Variants in IL17F observed in about 807,000 individuals in gnomAD.
IL17F encodes interleukin 17F, also known as interleukin-17F.
A neutral mutation model predicts 8.3 loss-of-function variants in IL17F; 6 were observed. The observed-to-expected ratio is 0.73, with a 90% CI of 0.40 to 1.43. IL17F has a LOEUF of 1.43. Among genes scored for constraint, IL17F ranks in the 40% most tolerant of loss-of-function variants. The pLI, the probability that IL17F is intolerant of heterozygous loss-of-function variation, is 0.02. For missense variants in IL17F, 204 were observed against 209.6 expected, an observed-to-expected ratio of 0.97 and a Z score of 0.17; for synonymous variants, 98 against 81.6, an observed-to-expected ratio of 1.20 and a Z score of -1.08.
In IL17F at chr6:52,236,696, T is replaced by C. The variant is rs905762834; in HGVS notation, c.*235A>G. The C allele has an allele frequency of 1.0e-5, 5 of 497,190 alleles. No individual in the cohort carries two copies. Among genetic ancestry groups the C allele is most frequent in the African/African-American group, 9.6e-5 (5 of 51,984 alleles). The allele number at this position is 497,190 out of a possible 1,614,324, so 30.8% of individuals were successfully genotyped here. On this transcript the variant is annotated 3_prime_UTR_variant, in exon 3 of 3. Coordinates refer to ENST00000336123, the MANE Select transcript of IL17F (RefSeq NM_052872.4). Reference sequence around the variant, plus strand: ...ACCTGAAGTATTTTTAAATTATTAATACTTTATTATATTAGCACTGAATAT... The same window carrying C: ...ACCTGAAGTATTTTTAAATTATTAACACTTTATTATATTAGCACTGAATAT...
At chr6:52,240,683 T>C (rs1764058082) in intron 1 of IL17F, among the ~76,000 whole-genome samples, 1 of 152,154 alleles carries the variant, frequency 6.6e-6, no homozygotes, top group Non-Finnish European at 1.5e-5. Context: ...GAAAGCAAGA[T>C]TGACCCAGAA....
intron 1 of IL17F, among the ~76,000 whole-genome samples, chr6:52,240,873 A>G (rs1764062423): frequency 1.4e-5 from 2 of 143,470 alleles, no homozygotes; most frequent in South Asian, 2.2e-4. Context: ...AGAAGCGATG[A>G]CTCTGTTTCC....
upstream of IL17F, chr6:52,244,603 T>C (rs1764130822): frequency 1.6e-6 from 1 of 617,850 alleles, no homozygotes; most frequent in Non-Finnish European, 2.9e-6. Context: ...TACTGACGAA[T>C]GCAGGGGTTT....
intron 1 of IL17F, among the ~76,000 whole-genome samples, chr6:52,239,637 T>A (rs556651246): frequency 1.3e-5 from 2 of 152,304 alleles, no homozygotes; most frequent in East Asian, 3.9e-4. Context: ...ATTTTTTAAT[T>A]GTCTAGAAAT....
chr6:52,240,131 A>G (rs752344988), intron 1 of IL17F, among the ~76,000 whole-genome samples: 21 of 152,142 alleles, frequency 1.4e-4, no homozygotes, highest in Non-Finnish European at 2.8e-4. Flanking sequence ...CCAACTCTCA[A>G]CATAATACAG....
chr6:52,243,785 CAG>C lies in IL17F; in HGVS notation c.33+610_33+611del, dbSNP rs200090961. ...GAGCTGCATTTTTTTTTCTTTGAGA[CAG>C]AGTCTCGCTATGTCACCCAGGATGG... On this transcript the variant is annotated intron_variant, in intron 1 of 2. Coordinates refer to ENST00000336123, the MANE Select transcript of IL17F (RefSeq NM_052872.4). Among the ~76,000 whole-genome samples the C allele has an allele frequency of 5.2e-3, 785 of 152,236 alleles. 6 individuals are homozygous for C. The highest frequency in any genetic ancestry group is 0.027 in the Middle Eastern group (8 of 294).
intron 1 of IL17F, among the ~76,000 whole-genome samples, chr6:52,240,212 G>A (rs553303466): frequency 6.6e-6 from 1 of 152,242 alleles, no homozygotes; most frequent in Non-Finnish European, 1.5e-5. Context: ...CGAGGTGGGT[G>A]GATCACCTGA....
intron 1 of IL17F, among the ~76,000 whole-genome samples, chr6:52,239,729 G>A (rs373983404): frequency 1.3e-5 from 2 of 152,158 alleles, no homozygotes; most frequent in African/African-American, 4.8e-5. Flanking sequence ...AACACTTTTG[G>A]AATGAATGAG....
At chr6:52,239,185 T>G in intron 1 of IL17F, 2 of 527,436 alleles carry the variant, frequency 3.8e-6, no homozygotes, top group Non-Finnish European at 6.8e-6. Flanking sequence ...GTCTAAAAGC[T>G]CCCAAACAGT....
At chr6:52,244,664 AG>A (rs1438114009), upstream of IL17F, 1 of 563,402 alleles carries the variant, frequency 1.8e-6, no homozygotes, top group Non-Finnish European at 3.1e-6. Flanking sequence ...CCCTAAAGAA[AG>A]GGATGACAGG....
chr6:52,236,734 C>T lies in IL17F; in HGVS notation c.*197G>A, dbSNP rs1001500423. The T allele has an allele frequency of 5.4e-5, 32 of 593,236 alleles. No individual in the cohort carries two copies. Among genetic ancestry groups the T allele is most frequent in the Non-Finnish European group, 8.7e-5 (29 of 332,770 alleles). 36.7% of individuals were successfully genotyped at this position (593,236 alleles called of 1,614,324 possible). Reference sequence around the variant, plus strand: ...TAGCACTGAATATATTAATTTTTCTCCTAACATTTTAGATATCAAATATAA... The same window carrying T: ...TAGCACTGAATATATTAATTTTTCTTCTAACATTTTAGATATCAAATATAA... On this transcript the variant is annotated 3_prime_UTR_variant, in exon 3 of 3. Coordinates refer to ENST00000336123, the MANE Select transcript of IL17F (RefSeq NM_052872.4).
intron 1 of IL17F, among the ~76,000 whole-genome samples, chr6:52,241,070 G>A (rs1157048566): frequency 2.8e-5 from 2 of 70,590 alleles, no homozygotes; most frequent in Non-Finnish European, 9.2e-5. Flanking sequence ...TATGGCGTTT[G>A]TTTGTTTGTT....
At chr6:52,241,536 T>C (rs998978006) in intron 1 of IL17F, among the ~76,000 whole-genome samples, 1 of 152,244 alleles carries the variant, frequency 6.6e-6, no homozygotes, top group African/African-American at 2.4e-5. Context: ...CTATTAATTT[T>C]CATTATGAAA....
In IL17F at chr6:52,238,764, T is replaced by A; in HGVS notation, c.220A>T (p.Ile74Phe). Residue 74 changes from isoleucine (I) to phenylalanine (F), a missense_variant, in exon 2 of 3, where the codon ATC becomes TTC. Ile to Phe is a conservative substitution (Grantham distance 21). Transcript: ENST00000336123. ...ENQRVSMSRN[I>F]ESRSTSPWNY... is the part of the protein sequence containing the mutation. Reference sequence around the variant, plus strand: ...CAGGGGGAGGTGGAGCGGCTCTCGATGTTACGTGACATGGAAACGCGCTGG... The same window carrying A: ...CAGGGGGAGGTGGAGCGGCTCTCGAAGTTACGTGACATGGAAACGCGCTGG... The A allele has an allele frequency of 6.2e-7, 1 of 1,614,242 alleles. No individual in the cohort carries two copies. Among genetic ancestry groups the A allele is most frequent in the Non-Finnish European group, 8.5e-7 (1 of 1,180,038 alleles).
chr6:52,238,650 T>G, intron 2 of IL17F, 80 bp downstream of exon 2: 2 of 1,209,360 alleles, frequency 1.7e-6, no homozygotes, highest in Non-Finnish European at 2.4e-6. Flanking sequence ...TTCTATGTAT[T>G]CTACATTTTC....
chr6:52,244,396 C>G lies in IL17F; in HGVS notation c.33+1G>C. The G allele has an allele frequency of 6.2e-7, 1 of 1,613,622 alleles. No homozygotes were observed. Among genetic ancestry groups the G allele is most frequent in the Non-Finnish European group, 8.5e-7 (1 of 1,179,532 alleles). On this transcript the variant is annotated splice_donor_variant, in intron 1 of 2. Coordinates refer to ENST00000336123, the MANE Select transcript of IL17F (RefSeq NM_052872.4). LOFTEE classifies it high-confidence loss of function. ...AAACCAGAATGATTGCTGCTACTCA[C>G]CATGGCTGGGCCATGCAGGGTCTTC...
At position 52,244,403 on chromosome 6, in the gene IL17F, T is replaced by G. The variant is rs1764125828; in HGVS notation, c.27A>C (p.Pro9=). 1.2e-6 allele frequency: 2 copies of G among 1,613,804 alleles called. No individual in the cohort carries two copies. The highest frequency in any genetic ancestry group is 1.7e-6 in the Non-Finnish European group (2 of 1,179,782). ...AATGATTGCTGCTACTCACCATGGC[T>G]GGGCCATGCAGGGTCTTCACTGTCA... MTVKTLHG[P]AMVKYLLLSI... is the part of the protein sequence containing the mutation. The change falls in exon 1 of 3, where the codon CCA becomes CCC. Residue 9 remains proline, a synonymous_variant. Transcript: ENST00000336123.
upstream of IL17F, among the ~76,000 whole-genome samples, chr6:52,245,391 C>G (rs2128268999): frequency 6.6e-6 from 1 of 152,348 alleles, no homozygotes; most frequent in Non-Finnish European, 1.5e-5. Context: ...TTCCCACAAA[C>G]CGCTTGAGTT....
At chr6:52,245,649 C>T (rs1764147439), upstream of IL17F, among the ~76,000 whole-genome samples, 1 of 152,184 alleles carries the variant, frequency 6.6e-6, no homozygotes, top group African/African-American at 2.4e-5. Context: ...ACAAGTTCAG[C>T]GGTCCAAAGG....
Sources: allele counts gnomAD v4.1 joint callset (sites outside exome capture counted in the v4.1 genomes callset), GRCh38; gene constraint gnomAD v4.1.1; transcripts MANE v1.5; gene names NCBI Gene and HGNC (gene_info 2026-07-23, HGNC 2026-07-21).